Variants in RBFOX2 observed in about 807,000 individuals in gnomAD.
RBFOX2 encodes the protein RNA binding protein fox-1 homolog 2.
RBFOX2 carries 10 observed loss-of-function variants against 49.1 expected under a neutral mutation model. The ratio of observed to expected loss-of-function variants is 0.20; its 90% CI spans 0.13 to 0.35. RBFOX2 has a LOEUF of 0.35. Ranked by LOEUF, RBFOX2 falls within the 10% of genes least tolerant of loss-of-function variation. The pLI is 1.00. For missense variants in RBFOX2, 323 were observed against 486.9 expected (o/e 0.66, Z 3.17); for synonymous variants, 183 against 187.4 (o/e 0.98, Z 0.19).
At chr22:36,024,104 T>C (rs761670536) in intron 1 of RBFOX2, among the ~76,000 whole-genome samples, 8 of 152,210 alleles carry the variant, frequency 5.3e-5, no homozygotes, top group Non-Finnish European at 1.2e-4. Context: ...ACATTCAAAG[T>C]GCCTGGAAAA....
intron 1 of RBFOX2, among the ~76,000 whole-genome samples, chr22:36,011,435 A>C (rs1251808794): frequency 6.6e-6 from 1 of 152,232 alleles, no homozygotes; most frequent in Non-Finnish European, 1.5e-5. Flanking sequence ...ACATTTGGAC[A>C]TGGTTCTCTC....
At chr22:35,780,229 A>G (rs1360559581) in intron 3 of RBFOX2, among the ~76,000 whole-genome samples, 3 of 152,186 alleles carry the variant, frequency 2.0e-5, no homozygotes, top group Non-Finnish European at 4.4e-5. Flanking sequence ...CCAAGTAGTC[A>G]GCTATAAATG....
intron 2 of RBFOX2, among the ~76,000 whole-genome samples, chr22:35,800,231 A>G (rs1341227207): frequency 6.6e-6 from 1 of 152,094 alleles, no homozygotes; most frequent in African/African-American, 2.4e-5. Flanking sequence ...TGTCTCCTGA[A>G]TTCATTCCCC....
chr22:35,745,948 G>A, exon 11 of RBFOX2: 2 of 1,614,024 alleles, frequency 1.2e-6, no homozygotes, highest in Non-Finnish European at 1.7e-6. Flanking sequence ...ATAGCTAGCG[G>A]CAGGGGCAAG....
intron 1 of RBFOX2, among the ~76,000 whole-genome samples, chr22:35,908,449 C>T (rs1413627696): frequency 6.6e-6 from 1 of 152,188 alleles, no homozygotes; most frequent in African/African-American, 2.4e-5. Flanking sequence ...TCATTTAACA[C>T]AATGCCTATT....
chr22:35,810,396 C>T (rs753363126), intron 1 of RBFOX2, among the ~76,000 whole-genome samples: 28 of 151,704 alleles, frequency 1.8e-4, no homozygotes, highest in Non-Finnish European at 3.5e-4. Context: ...CTAAAAAATA[C>T]GAAAAACAAA....
chr22:36,026,314 AT>A (rs968275006), intron 1 of RBFOX2, among the ~76,000 whole-genome samples: 14 of 151,954 alleles, frequency 9.2e-5, no homozygotes, highest in African/African-American at 3.1e-4. Flanking sequence ...TGAAAAAAGG[AT>A]TCTCGGAGGG....
rs750103346 is a variant in RBFOX2, at chr22:35,756,091, G to T, written c.887+3797C>A. On this transcript the variant is annotated intron_variant, in intron 9 of 11. Transcript: ENST00000405409. The stretch of plus-strand genomic sequence containing the variant: ...AGGGGATGGGGTCGAGAAGGCCCCA[G>T]TGTGTGTACTTACATAGAGGTCAGC... 1.4e-6 allele frequency: 2 copies of T among 1,426,282 alleles called. No homozygotes were observed. The highest frequency in any genetic ancestry group is 1.9e-6 in the Non-Finnish European group (2 of 1,078,358). The allele number at this position is 1,426,282 out of a possible 1,614,324, so 88.4% of individuals were successfully genotyped here.
chr22:35,879,918 G>A (rs2045657369), intron 1 of RBFOX2, among the ~76,000 whole-genome samples: 1 of 152,220 alleles, frequency 6.6e-6, no homozygotes, highest in African/African-American at 2.4e-5. Flanking sequence ...CACTTTGAGA[G>A]GCCAAGGTCG....
At chr22:35,993,984 C>T (rs1364118575) in intron 1 of RBFOX2, 1 of 151,510 alleles carries the variant, frequency 6.6e-6, no homozygotes, top group Non-Finnish European at 1.5e-5. Flanking sequence ...GAGACTGTCT[C>T]GAAAAACAAA....
intron 1 of RBFOX2, among the ~76,000 whole-genome samples, chr22:35,901,649 T>C (rs555544895): frequency 1.2e-4 from 19 of 152,302 alleles, no homozygotes; most frequent in Middle Eastern, 6.8e-3. Context: ...ATGTCTAAAC[T>C]AAGCTCTAGA....
At chr22:35,975,104 A>G (rs2057080814) in intron 1 of RBFOX2, among the ~76,000 whole-genome samples, 1 of 152,240 alleles carries the variant, frequency 6.6e-6, no homozygotes, top group South Asian at 2.1e-4. Context: ...AAATTTTAAA[A>G]AACAAGAAAT....
At chr22:35,936,068 C>T (rs560012190) in intron 1 of RBFOX2, among the ~76,000 whole-genome samples, 11 of 151,726 alleles carry the variant, frequency 7.2e-5, no homozygotes, top group South Asian at 2.1e-4. Flanking sequence ...GCAAACAGGC[C>T]GGGTGTGGTG....
At chr22:35,962,339 T>C (rs949226570), upstream of RBFOX2, among the ~76,000 whole-genome samples, 1 of 152,216 alleles carries the variant, frequency 6.6e-6, no homozygotes, top group Admixed American at 6.5e-5. Context: ...TCCAAGGGAC[T>C]GACCCACTAT....
At chr22:35,831,314 GC>G (rs1956757257) in intron 1 of RBFOX2, among the ~76,000 whole-genome samples, 1 of 151,996 alleles carries the variant, frequency 6.6e-6, no homozygotes, top group East Asian at 1.9e-4. Context: ...ATGGTGGCAG[GC>G]ACCTGCCCTT....
intron 1 of RBFOX2, among the ~76,000 whole-genome samples, chr22:35,855,585 T>C (rs1029206971): frequency 2.0e-5 from 3 of 152,064 alleles, no homozygotes; most frequent in Non-Finnish European, 4.4e-5. Flanking sequence ...TTTTCAACTT[T>C]TTTTGTAGAC....
At chr22:35,842,415 G>A (rs1051582809), upstream of RBFOX2, among the ~76,000 whole-genome samples, 3 of 152,132 alleles carry the variant, frequency 2.0e-5, no homozygotes, top group Non-Finnish European at 4.4e-5. Context: ...CTCTGAATTT[G>A]CAACTGAAAA....
At position 35,780,797 on chromosome 22, in the gene RBFOX2, A is replaced by G. The variant is rs1944984220; in HGVS notation, c.399+803T>C. 2.6e-5 allele frequency among the ~76,000 whole-genome samples: 4 copies of G among 152,206 alleles called. No individual in the cohort carries two copies. In the South Asian group the frequency reaches 8.3e-4, roughly 31 times the overall value. On this transcript the variant is annotated intron_variant, in intron 3 of 11. Coordinates refer to ENST00000405409, the Ensembl canonical transcript of RBFOX2. ...AATTCCAAAGTTCACATGCGAATAG[A>G]ATTTGAACCCAGGCTCTTTGACTCC...
intron 1 of RBFOX2, among the ~76,000 whole-genome samples, chr22:36,025,813 G>A (rs1188200526): frequency 6.6e-6 from 1 of 152,078 alleles, no homozygotes; most frequent in African/African-American, 2.4e-5. Flanking sequence ...TGGATTACAA[G>A]GGAAATCATC....
Sources: allele counts gnomAD v4.1 joint callset (sites outside exome capture counted in the v4.1 genomes callset), GRCh38; gene constraint gnomAD v4.1.1; transcripts MANE v1.5; gene names NCBI Gene and HGNC (gene_info 2026-07-23, HGNC 2026-07-21).